The following HTT variants were observed in gnomAD, a reference collection of about 807,000 sequenced individuals.
HTT encodes the protein huntingtin, also known as huntington disease protein.
Under a neutral mutation model 362.3 loss-of-function variants are expected in HTT, and 104 were observed. The observed-to-expected ratio is 0.29, with a 90% CI of 0.24 to 0.34. HTT has a LOEUF of 0.34. Ranked by LOEUF, HTT falls within the 10% of genes least tolerant of loss-of-function variation. HTT has a pLI of 1.00. For missense variants in HTT, 3,301 were observed against 3,928.6 expected (o/e 0.84, Z 4.27); for synonymous variants, 1,577 against 1,548.7 (o/e 1.02, Z -0.43).
chr4:3,217,600 A>T (rs559920323), intron 51 of HTT, among the ~76,000 whole-genome samples, 165 bp from the exon 52 acceptor site: 1 of 152,340 alleles, frequency 6.6e-6, no homozygotes, highest in Admixed American at 6.5e-5. Flanking sequence ...ATTGTATGGT[A>T]TAGGCGGATA....
intron 59 of HTT, among the ~76,000 whole-genome samples, chr4:3,229,449 CAT>C (rs1418344140): frequency 1.3e-5 from 2 of 151,124 alleles, no homozygotes; most frequent in East Asian, 2.0e-4. Context: ...GCACCACACA[CAT>C]GCCACATGTG....
Position 3,222,509 on chromosome 4 carries a change from G to C in HTT, c.7470+22G>C, listed in dbSNP as rs868608083. The C allele has an allele frequency of 4.4e-6, 7 of 1,582,942 alleles. No homozygotes were observed. The Middle Eastern group carries it at 1.1e-3, about 241-fold the overall frequency. On this transcript the variant is annotated intron_variant, in intron 54 of 66. Transcript: ENST00000355072. ...AGAAGTAAGGCCACACCCTGTGCTG[G>C]TTGGCACATGGGCAGTTATGGCCGC...
intron 24 of HTT, among the ~76,000 whole-genome samples, 188 bp downstream of exon 24, chr4:3,145,416 G>C (rs1373105710): frequency 6.6e-6 from 1 of 152,210 alleles, no homozygotes; most frequent in Non-Finnish European, 1.5e-5. Flanking sequence ...TGTGGGAAAT[G>C]AATGCCAAAT....
At position 3,125,570 on chromosome 4, in the gene HTT, A is replaced by T. The variant is rs768054595; in HGVS notation, c.1343A>T (p.Glu448Val). 1 of 1,613,766 alleles carries T rather than the reference A, an allele frequency of 6.2e-7. No homozygotes were observed. The highest frequency in any genetic ancestry group is 8.5e-7 in the Non-Finnish European group (1 of 1,179,644). Residue 448 changes from glutamate (E) to valine (V), a missense_variant, in exon 11 of 67, where the codon GAA becomes GTA. Physicochemically the swap from Glu to Val is moderately radical, Grantham distance 121 (BLOSUM62 -2). Around this residue, in one of 4 missense-constraint regions of HTT, gnomAD observed 2,316 missense variants for 2,658.5 expected, o/e 0.87. Coordinates refer to ENST00000355072, the MANE Select transcript of HTT (RefSeq NM_001388492.1). ...KQKGKVLLGE[E>V]EALEDDSESR... ...CTAGGCAAAGTGCTCTTAGGAGAAG[A>T]AGAAGCCTTGGAGGATGACTCTGAA...
At chr4:3,223,904 A>T in intron 55 of HTT, 88 bp from the exon 56 acceptor site, 1 of 1,409,380 alleles carries the variant, frequency 7.1e-7, no homozygotes, top group Non-Finnish European at 1.0e-6. Context: ...AGGTTCCTTT[A>T]GGCAAAGCGG....
At chr4:3,181,355 G>A (rs1718517476) in intron 36 of HTT, among the ~76,000 whole-genome samples, 1 of 152,164 alleles carries the variant, frequency 6.6e-6, no homozygotes, top group Non-Finnish European at 1.5e-5. Flanking sequence ...TCTCAACTCT[G>A]AAATAAAAAC....
At chr4:3,091,139 AATC>A (rs144200399) in intron 2 of HTT, among the ~76,000 whole-genome samples, 139 of 152,318 alleles carry the variant, frequency 9.1e-4, no homozygotes, top group African/African-American at 3.3e-3. Flanking sequence ...AAGAAAAAGA[AATC>A]AACACTAATA....
chr4:3,116,803 G>A (rs1341555532), intron 8 of HTT, among the ~76,000 whole-genome samples: 1 of 152,180 alleles, frequency 6.6e-6, no homozygotes, highest in African/African-American at 2.4e-5. Flanking sequence ...ACTGTGATTG[G>A]CAGTTGACTT....
intron 2 of HTT, among the ~76,000 whole-genome samples, chr4:3,094,719 C>T (rs1713744552): frequency 7.3e-6 from 1 of 136,220 alleles, no homozygotes; most frequent in African/African-American, 3.1e-5. Context: ...GGCTGCCCCC[C>T]ACCTCCCGGA....
intron 23 of HTT, 98 bp downstream of exon 23, chr4:3,142,984 G>A: frequency 1.1e-6 from 1 of 876,644 alleles, no homozygotes; most frequent in Non-Finnish European, 1.8e-6. Flanking sequence ...TGAGGTGCTT[G>A]TCTTACAGCT....
intron 8 of HTT, among the ~76,000 whole-genome samples, chr4:3,119,491 CAGAA>C (rs1310279837): frequency 1.3e-5 from 2 of 152,046 alleles, no homozygotes; most frequent in Non-Finnish European, 1.5e-5. Context: ...TGACTGGACT[CAGAA>C]AGAAATATTT....
intron 3 of HTT, among the ~76,000 whole-genome samples, chr4:3,101,263 T>A (rs1714140055): frequency 6.6e-6 from 1 of 152,150 alleles, no homozygotes; most frequent in Admixed American, 6.5e-5. Context: ...CTGAGGACTG[T>A]AGGCCATGGC....
chr4:3,077,370 T>G (rs1042409469), intron 1 of HTT, among the ~76,000 whole-genome samples: 1 of 152,118 alleles, frequency 6.6e-6, no homozygotes, highest in Non-Finnish European at 1.5e-5. Flanking sequence ...CTGTTCATAT[T>G]GTAAGATAGA....
chr4:3,157,992 GT>G (rs372401937), intron 28 of HTT, among the ~76,000 whole-genome samples: 77 of 146,716 alleles, frequency 5.2e-4, no homozygotes, highest in African/African-American at 1.5e-3. Context: ...AAGCATCCTT[GT>G]TTTTTTTTTT....
intron 5 of HTT, among the ~76,000 whole-genome samples, chr4:3,106,915 A>G (rs1714460788): frequency 6.6e-6 from 1 of 151,538 alleles, no homozygotes; most frequent in Admixed American, 6.6e-5. Context: ...TCTCCCCACA[A>G]CCCCATTTTA....
At chr4:3,213,616 T>C (rs1234970299) in intron 49 of HTT, among the ~76,000 whole-genome samples, 1 of 152,208 alleles carries the variant, frequency 6.6e-6, no homozygotes, top group Non-Finnish European at 1.5e-5. Context: ...ATTCAACCTA[T>C]GACAGAGGCA....
intron 46 of HTT, among the ~76,000 whole-genome samples, chr4:3,209,616 G>A (rs1720043479): frequency 6.6e-6 from 1 of 152,172 alleles, no homozygotes; most frequent in Non-Finnish European, 1.5e-5. Flanking sequence ...CAGGTGAAGG[G>A]GGAGGCTGTG....
At chr4:3,174,588 A>C in intron 31 of HTT, 133 bp from the exon 32 acceptor site, 1 of 661,630 alleles carries the variant, frequency 1.5e-6, no homozygotes, top group Non-Finnish European at 2.7e-6. Context: ...GTGGCCTTTC[A>C]AGTTGTTTCT....
intron 27 of HTT, among the ~76,000 whole-genome samples, chr4:3,156,616 G>T (rs1274825636): frequency 6.6e-6 from 1 of 152,178 alleles, no homozygotes; most frequent in African/African-American, 2.4e-5. Flanking sequence ...ATAGTGCTTG[G>T]CACTTTAATA....
Sources: gnomAD v4.1 joint callset for allele counts (sites outside exome capture counted in the v4.1 genomes callset) on GRCh38, gnomAD v4.1.1 for gene constraint, gnomAD v4.1.1 regional missense constraint, MANE v1.5 for transcripts, NCBI Gene and HGNC (gene_info 2026-07-23, HGNC 2026-07-21) for gene names.